Variants in FAM153A observed in about 807,000 individuals in gnomAD.
FAM153A encodes the protein protein FAM153A.
A neutral mutation model predicts 48.1 loss-of-function variants in FAM153A; 12 were observed. The observed-to-expected ratio is 0.25, with a 90% CI of 0.16 to 0.40. FAM153A has a LOEUF of 0.40. Ranked by LOEUF, FAM153A falls within the 10% of genes least tolerant of loss-of-function variation. The pLI is 1.00. For missense variants in FAM153A, 111 were observed against 345.8 expected (o/e 0.32, Z 5.38); for synonymous variants, 36 against 118.2 (o/e 0.30, Z 4.51).
At chr5:177,699,286 A>G in the FAM153A span, among the ~76,000 whole-genome samples, 3 of 151,512 alleles carry the variant, frequency 2.0e-5, no homozygotes, top group African/African-American at 4.9e-5. Flanking sequence ...AAGAAACTGG[A>G]AAAGAAGATC....
chr5:177,724,434 G>A, intron 19 of FAM153A, 72 bp from the exon 22 acceptor site: 1 of 1,609,524 alleles, frequency 6.2e-7, no homozygotes, highest in Non-Finnish European at 8.5e-7. Flanking sequence ...TGAAGGCGGT[G>A]TCCAGAGCAG....
At chr5:177,755,374 G>A (rs1357791638), upstream of FAM153A, among the ~76,000 whole-genome samples, 1 of 151,888 alleles carries the variant, frequency 6.6e-6, no homozygotes, top group East Asian at 1.9e-4. Context: ...ATACCTGAAA[G>A]TGATGGGGAG....
chr5:177,711,429 C>T lies in FAM153A; in HGVS notation c.*3133G>A, dbSNP rs1187292234. ...TTCAAATATACAAGGATAGACCCATCTCATGAAATAATTTTGATAAGCAAG... is the reference window on the plus strand; with the variant it reads ...TTCAAATATACAAGGATAGACCCATTTCATGAAATAATTTTGATAAGCAAG... On this transcript the variant is annotated 3_prime_UTR_variant and NMD_transcript_variant, in exon 27 of 27. Coordinates refer to the FAM153A transcript ENST00000360669. The T allele has an allele frequency of 2.6e-5, 4 of 151,908 alleles. No homozygotes were observed. In the East Asian group the frequency reaches 5.8e-4, roughly 22 times the overall value. 9.4% of individuals were successfully genotyped at this position (151,908 alleles called of 1,614,324 possible).
At chr5:177,765,897 G>A (rs1353867084) in intron 1 of FAM153A, among the ~76,000 whole-genome samples, 1 of 115,564 alleles carries the variant, frequency 8.7e-6, no homozygotes, top group East Asian at 3.0e-4. Flanking sequence ...GAGACGAGTG[G>A]ATCGAGGTCT....
intron 26 of FAM153A, chr5:177,713,608 A>T (rs1758947702): frequency 6.6e-6 from 1 of 151,512 alleles, no homozygotes; most frequent in Non-Finnish European, 1.5e-5. Context: ...TGAGGAGATG[A>T]TGTTGGCCAG....
At chr5:177,710,578 A>G (rs1040696210), downstream of FAM153A, among the ~76,000 whole-genome samples, 12 of 150,434 alleles carry the variant, frequency 8.0e-5, no homozygotes, top group African/African-American at 3.0e-4. Context: ...TGCAGCTCCA[A>G]TGTAAGCTTG....
In FAM153A at chr5:177,739,003, A is replaced by G. The variant is rs1765128268; in HGVS notation, c.562+110T>C. On this transcript the variant is annotated intron_variant, in intron 10 of 20. Coordinates refer to ENST00000614127, the Ensembl canonical transcript of FAM153A. Reference sequence around the variant, plus strand: ...AATTTCTTCCCAAACCCCATTTTCCAATAGGAAGCTCCAATGAGAGTGGTT... The same window carrying G: ...AATTTCTTCCCAAACCCCATTTTCCGATAGGAAGCTCCAATGAGAGTGGTT... 1.0e-4 allele frequency: 83 copies of G among 821,540 alleles called. 1 individual carries two copies. The South Asian group carries it at 1.4e-3, about 14-fold the overall frequency. 50.9% of individuals were successfully genotyped at this position (821,540 alleles called of 1,614,324 possible).
At chr5:177,754,830 C>A (rs1767530791), upstream of FAM153A, among the ~76,000 whole-genome samples, 1 of 151,790 alleles carries the variant, frequency 6.6e-6, no homozygotes, top group African/African-American at 2.4e-5. Flanking sequence ...CACCAAAACC[C>A]CATCTGTATG....
intron 10 of FAM153A, among the ~76,000 whole-genome samples, 158 bp from the exon 13 acceptor site, chr5:177,737,270 ATGG>A (rs1764816385): frequency 6.6e-6 from 1 of 151,730 alleles, no homozygotes; most frequent in Non-Finnish European, 1.5e-5. Context: ...GGGAAGGCAA[ATGG>A]TGAAGGAAGG....
At chr5:177,711,402 T>C (rs1413540822) in exon 27 of FAM153A, 1 of 151,992 alleles carries the variant, frequency 6.6e-6, no homozygotes, top group African/African-American at 2.4e-5. Context: ...GCAAACCTCA[T>C]TTTCAAATAT....
intron 1 of FAM153A, among the ~76,000 whole-genome samples, chr5:177,768,721 G>C (rs1768908787): frequency 9.4e-6 from 1 of 106,508 alleles, no homozygotes; most frequent in African/African-American, 3.9e-5. Context: ...GAAGCACAGT[G>C]AAACCGTCAG....
In FAM153A at chr5:177,725,719, T is replaced by C. The variant is rs150157308; in HGVS notation, c.965-898A>G. 4.1e-3 allele frequency among the ~76,000 whole-genome samples: 609 copies of C among 149,208 alleles called. 5 individuals carry two copies. The highest frequency in any genetic ancestry group is 0.015 in the African/African-American group (581 of 38,654). On this transcript the variant is annotated intron_variant, in intron 18 of 20. Transcript: ENST00000614127. ...AGGAGGGTGTGACAAGACAAGTGAC[T>C]ACTGTGCCAGCTGCCCAGAGGCTCT...
chr5:177,700,012 C>T, the FAM153A span, among the ~76,000 whole-genome samples: 1 of 151,922 alleles, frequency 6.6e-6, no homozygotes, highest in East Asian at 1.9e-4. Flanking sequence ...TATATCATGA[C>T]CATATGGGAT....
downstream of FAM153A, among the ~76,000 whole-genome samples, chr5:177,710,356 CCT>C (rs1172439221): frequency 7.3e-5 from 11 of 151,576 alleles, no homozygotes; most frequent in East Asian, 1.9e-4. Flanking sequence ...AGGTGATTCT[CCT>C]ATCTTGGCCT....
At chr5:177,709,431 G>A (rs1160214467), downstream of FAM153A, among the ~76,000 whole-genome samples, 1 of 145,876 alleles carries the variant, frequency 6.9e-6, no homozygotes, top group Non-Finnish European at 1.5e-5. Context: ...GCGCGATCTC[G>A]GCTCATTGCA....
At chr5:177,696,184 TG>T in the FAM153A span, among the ~76,000 whole-genome samples, 416 of 87,168 alleles carry the variant, frequency 4.8e-3, 6 homozygotes, top group East Asian at 0.022. Flanking sequence ...ACTTCCTAGA[TG>T]GGGCGGCCGG....
At chr5:177,761,169 G>A (rs1398262636) in intron 1 of FAM153A, among the ~76,000 whole-genome samples, 2 of 151,140 alleles carry the variant, frequency 1.3e-5, no homozygotes, top group African/African-American at 4.9e-5. Flanking sequence ...CACCCACTCA[G>A]CCCAGCTGCA....
the FAM153A span, among the ~76,000 whole-genome samples, chr5:177,702,159 C>T: frequency 2.6e-5 from 4 of 151,838 alleles, no homozygotes; most frequent in African/African-American, 7.3e-5. Context: ...CCACCTGCCT[C>T]GGCCTCCCAC....
At chr5:177,758,994 G>A (rs1374340560) in intron 1 of FAM153A, among the ~76,000 whole-genome samples, 1 of 151,744 alleles carries the variant, frequency 6.6e-6, no homozygotes, top group Non-Finnish European at 1.5e-5. Context: ...TTAAACTAAA[G>A]AGCTTCTGCA....
Sources: allele counts gnomAD v4.1 joint callset (sites outside exome capture counted in the v4.1 genomes callset), GRCh38; gene constraint gnomAD v4.1.1; transcripts MANE v1.5; gene names NCBI Gene and HGNC (gene_info 2026-07-23, HGNC 2026-07-21).